CFAP299: variants seen among roughly 807,000 people sequenced by gnomAD.
CFAP299 encodes cilia- and flagella-associated protein 299.
In CFAP299, 21 loss-of-function variants were observed where a neutral mutation model predicts 27.0. That is an observed-to-expected ratio of 0.78 (90% confidence interval 0.55 to 1.12). The LOEUF is 1.12. Ranked by LOEUF, CFAP299 falls within the 50% of genes most tolerant of loss-of-function variation. The pLI, the probability that CFAP299 is intolerant of heterozygous loss-of-function variation, is 0.00. For missense variants in CFAP299, 310 were observed against 276.6 expected (o/e 1.12, Z -0.86); for synonymous variants, 104 against 98.1 (o/e 1.06, Z -0.36).
intron 3 of CFAP299, among the ~76,000 whole-genome samples, chr4:80,781,000 T>A (rs896023732): frequency 6.6e-6 from 1 of 151,976 alleles, no homozygotes; most frequent in African/African-American, 2.4e-5. Context: ...GTAATTATTA[T>A]ATACATAATT....
At chr4:80,852,578 A>C (rs1435534174) in intron 3 of CFAP299, among the ~76,000 whole-genome samples, 2 of 152,194 alleles carry the variant, frequency 1.3e-5, no homozygotes, top group East Asian at 1.9e-4. Context: ...GCAAAGAAGG[A>C]AGCATTATTA....
intron 3 of CFAP299, among the ~76,000 whole-genome samples, chr4:80,601,961 CAGA>C (rs1173356231): frequency 1.3e-5 from 2 of 152,172 alleles, no homozygotes; most frequent in Admixed American, 6.5e-5. Context: ...AATGCAGGAA[CAGA>C]AGACCAAATA....
chr4:80,450,416 T>G (rs978080179), intron 2 of CFAP299, among the ~76,000 whole-genome samples: 87 of 152,292 alleles, frequency 5.7e-4, no homozygotes, highest in African/African-American at 2.0e-3. Flanking sequence ...TAATATCACA[T>G]TGCTTAGAAT....
At chr4:80,581,742 G>A (rs975378136) in intron 2 of CFAP299, among the ~76,000 whole-genome samples, 1 of 151,644 alleles carries the variant, frequency 6.6e-6, no homozygotes, top group Non-Finnish European at 1.5e-5. Flanking sequence ...TCTTTCTAAA[G>A]GTTTGTGATA....
chr4:80,374,380 ACT>A (rs1379119184), intron 2 of CFAP299, among the ~76,000 whole-genome samples: 1 of 151,900 alleles, frequency 6.6e-6, no homozygotes, highest in Admixed American at 6.6e-5. Context: ...CAGAAGTGTA[ACT>A]CTGATAAGGG....
intron 2 of CFAP299, among the ~76,000 whole-genome samples, chr4:80,384,828 A>G (rs1049878542): frequency 2.0e-5 from 3 of 152,142 alleles, no homozygotes; most frequent in Non-Finnish European, 4.4e-5. Flanking sequence ...TCCTCATTCT[A>G]TAGCATTATT....
intron 4 of CFAP299, among the ~76,000 whole-genome samples, chr4:80,902,482 G>GAA (rs1560469756): frequency 0.023 from 2,586 of 114,194 alleles, 112 homozygotes; most frequent in East Asian, 0.15. Context: ...ATGTATATAT[G>GAA]TATATATACA....
At chr4:80,959,496 G>A (rs1047053700) in intron 5 of CFAP299, among the ~76,000 whole-genome samples, 2 of 151,778 alleles carry the variant, frequency 1.3e-5, no homozygotes, top group Admixed American at 1.3e-4. Context: ...AACAAGTAAA[G>A]CAGAAAGGGC....
chr4:80,708,448 A>G (rs1721945564), intron 3 of CFAP299, among the ~76,000 whole-genome samples: 1 of 151,964 alleles, frequency 6.6e-6, no homozygotes, highest in East Asian at 1.9e-4. Flanking sequence ...GATGCCTGGC[A>G]TTTTCTTTCT....
rs1560749291 is a variant in CFAP299 at position 80,782,684 on chromosome 4, GAATATATAATATAT to G, written c.334-87308_334-87295del. Among the ~76,000 whole-genome samples, 199 of 113,364 alleles carry G rather than the reference GAATATATAATATAT, an allele frequency of 1.8e-3. 1 individual carries two copies. The highest frequency in any genetic ancestry group is 6.6e-3 in the African/African-American group (188 of 28,544). The allele number at this position is 113,364 out of a possible 152,430, so 74.4% of individuals were successfully genotyped here. On this transcript the variant is annotated intron_variant, in intron 3 of 5. Transcript: ENST00000358105. ...ATATTCATATATAATATACATATAT[GAATATATAATATAT>G]TCATATATAATATACATATATGAAT... is the stretch of plus-strand genomic sequence containing the variant.
intron 4 of CFAP299, among the ~76,000 whole-genome samples, chr4:80,888,581 A>G (rs773837081): frequency 3.3e-5 from 5 of 152,098 alleles, no homozygotes; most frequent in Non-Finnish European, 7.4e-5. Context: ...AAAATCAACA[A>G]GGAAACATCG....
At chr4:80,799,521 T>A (rs1489370643) in intron 3 of CFAP299, among the ~76,000 whole-genome samples, 4 of 79,248 alleles carry the variant, frequency 5.0e-5, no homozygotes, top group Admixed American at 4.8e-4. Context: ...TATATTTATA[T>A]AATATATAAT....
intron 2 of CFAP299, among the ~76,000 whole-genome samples, chr4:80,563,190 C>T (rs1368769750): frequency 6.6e-6 from 1 of 151,914 alleles, no homozygotes; most frequent in Non-Finnish European, 1.5e-5. Flanking sequence ...CAGGATAGCC[C>T]AACTGAATTT....
At chr4:80,582,602 C>T (rs576558986) in intron 2 of CFAP299, among the ~76,000 whole-genome samples, 1 of 151,910 alleles carries the variant, frequency 6.6e-6, no homozygotes, top group Non-Finnish European at 1.5e-5. Flanking sequence ...CTTGATGCTT[C>T]CTTTCATCTG....
At chr4:80,513,244 T>C (rs568862227) in intron 2 of CFAP299, among the ~76,000 whole-genome samples, 7 of 152,224 alleles carry the variant, frequency 4.6e-5, no homozygotes, top group Admixed American at 4.6e-4. Context: ...TTAAGTGTTA[T>C]ACTTAAACAA....
rs564931399 is a variant in CFAP299 at position 80,645,924 on chromosome 4, C to A, written c.333+62741C>A. ...TATCTGCAAATAATTTTTGTCTAAA[C>A]AAAGTTCTAAAACTTGTGCTTTGCT... On this transcript the variant is annotated intron_variant, in intron 3 of 5. Coordinates refer to ENST00000358105, the MANE Select transcript of CFAP299 (RefSeq NM_152770.3). Among the ~76,000 whole-genome samples, 85 of 152,272 alleles carry A rather than the reference C, an allele frequency of 5.6e-4. 1 individual carries two copies. The highest frequency in any genetic ancestry group is 1.9e-3 in the African/African-American group (78 of 41,574).
intron 2 of CFAP299, among the ~76,000 whole-genome samples, chr4:80,565,819 C>T (rs1735253940): frequency 1.3e-5 from 2 of 151,982 alleles, no homozygotes; most frequent in African/African-American, 4.8e-5. Context: ...TGTTTTGAAA[C>T]TATATTTGTG....
intron 3 of CFAP299, among the ~76,000 whole-genome samples, chr4:80,868,270 CT>C (rs1164356643): frequency 2.0e-5 from 3 of 152,160 alleles, no homozygotes; most frequent in Non-Finnish European, 1.5e-5. Flanking sequence ...GACTTGACAG[CT>C]AGAATCACTT....
intron 3 of CFAP299, among the ~76,000 whole-genome samples, chr4:80,788,865 G>T (rs72879937): frequency 0.01 from 1,572 of 152,086 alleles, 26 homozygotes; most frequent in African/African-American, 0.035. Context: ...AGTGGTTTAG[G>T]GTTAGACAAT....
Sources: gnomAD v4.1 joint callset for allele counts (sites outside exome capture counted in the v4.1 genomes callset) on GRCh38, gnomAD v4.1.1 for gene constraint, MANE v1.5 for transcripts, NCBI Gene and HGNC (gene_info 2026-07-23, HGNC 2026-07-21) for gene names.